The following HTR4 variants were observed in gnomAD, a reference collection of about 807,000 sequenced individuals.
The protein encoded by HTR4 is 5-hydroxytryptamine (serotonin) receptor 4, G protein-coupled.
A neutral mutation model predicts 36.8 loss-of-function variants in HTR4; 16 were observed. The observed-to-expected ratio is 0.43, with a 90% CI of 0.29 to 0.66. The LOEUF is 0.66. Ranked by LOEUF, HTR4 falls within the 30% of genes least tolerant of loss-of-function variation. The probability of loss-of-function intolerance (pLI) is 0.13; values close to 1 mark genes in which losing one functional copy is unlikely to be tolerated. For missense variants in HTR4, 438 were observed against 490.9 expected (o/e 0.89, Z 1.02); for synonymous variants, 189 against 185.1 (o/e 1.02, Z -0.17).
chr5:148,476,086 A>G (rs1755685596), downstream of HTR4, among the ~76,000 whole-genome samples: 1 of 152,242 alleles, frequency 6.6e-6, no homozygotes, highest in Non-Finnish European at 1.5e-5. Context: ...CAAATTAGAA[A>G]GGATGCTGCT....
intron 5 of HTR4, among the ~76,000 whole-genome samples, chr5:148,457,785 GACATATCATTAAAATATCATATATTTT>G (rs1267809093): frequency 7.4e-6 from 1 of 134,624 alleles, no homozygotes; most frequent in Non-Finnish European, 1.6e-5. Flanking sequence ...AATATATTTT[GACATATCATTAAAATATCATATATTTT>G]GATATATCAT....
intron 6 of HTR4, among the ~76,000 whole-genome samples, chr5:148,501,470 C>T (rs551369054): frequency 6.6e-6 from 1 of 152,238 alleles, no homozygotes; most frequent in Non-Finnish European, 1.5e-5. Flanking sequence ...TAATGATCTA[C>T]TTGTGGGATT....
chr5:148,499,524 T>C (rs909832971), intron 6 of HTR4, among the ~76,000 whole-genome samples: 2 of 152,216 alleles, frequency 1.3e-5, no homozygotes, highest in African/African-American at 4.8e-5. Context: ...AGCTGATTGG[T>C]TTCTTTTTAA....
intron 2 of HTR4, among the ~76,000 whole-genome samples, chr5:148,608,607 A>T (rs1381815578): frequency 2.0e-5 from 3 of 152,252 alleles, no homozygotes; most frequent in African/African-American, 7.2e-5. Context: ...TCTGGATTTT[A>T]ATCAATTGAA....
chr5:148,481,497 T>C, downstream of HTR4: 1 of 1,390,786 alleles, frequency 7.2e-7, no homozygotes, highest in Non-Finnish European at 9.7e-7. Context: ...AACATGACTT[T>C]CTCCCCAACA....
chr5:148,521,357 C>G (rs1049340769), intron 5 of HTR4, among the ~76,000 whole-genome samples: 4 of 152,142 alleles, frequency 2.6e-5, no homozygotes, highest in Non-Finnish European at 4.4e-5. Context: ...ACATTTGAAT[C>G]AGTAGACTGC....
Position 148,510,002 on chromosome 5 carries a change from T to C in HTR4, c.530A>G (p.Gln177Arg). ...GACACAGTACGTAGAGTTAGAGTTC[T>C]GGTTGAACTTCCTCTTTTCTATCTG... ...IDLIEKRKFN[Q>R]NSNSTYCVFM... The change falls in exon 6 of 7, where the codon CAG becomes CGG. Residue 177 changes from glutamine to arginine, a missense_variant. Transcript: ENST00000377888. 6.2e-7 allele frequency: 1 copy of C among 1,611,944 alleles called. No individual in the cohort carries two copies.
At chr5:148,567,931 G>A (rs1023415606) in intron 2 of HTR4, among the ~76,000 whole-genome samples, 1 of 152,196 alleles carries the variant, frequency 6.6e-6, no homozygotes, top group African/African-American at 2.4e-5. Flanking sequence ...GAAAGCAGAG[G>A]CTTTGTCAGT....
Position 148,488,461 on chromosome 5 carries a change from T to C in HTR4, c.1077-5168A>G, listed in dbSNP as rs570469923. Among the ~76,000 whole-genome samples, 15 of 152,340 alleles carry C rather than the reference T, an allele frequency of 9.8e-5. 1 individual carries two copies. The highest frequency in any genetic ancestry group is 3.6e-4 in the African/African-American group (15 of 41,592). Reference sequence around the variant, plus strand: ...ACTTTCATTGCATTTGTATTAAAAATCATCTTCTCTATATAGTTTTGCATT... The same window carrying C: ...ACTTTCATTGCATTTGTATTAAAAACCATCTTCTCTATATAGTTTTGCATT... On this transcript the variant is annotated intron_variant, in intron 6 of 6. Transcript: ENST00000377888.
intron 5 of HTR4, among the ~76,000 whole-genome samples, chr5:148,454,989 G>A (rs974950455): frequency 6.6e-6 from 1 of 152,240 alleles, no homozygotes; most frequent in African/African-American, 2.4e-5. Context: ...TATCCCTGAA[G>A]TGGATGTTTG....
chr5:148,490,844 G>T, intron 6 of HTR4: 1 of 540,118 alleles, frequency 1.9e-6, no homozygotes, highest in African/African-American at 1.9e-5. Flanking sequence ...TCCTCTAACA[G>T]CCCTTTAAAT....
chr5:148,529,250 G>C (rs1581430060), intron 4 of HTR4, among the ~76,000 whole-genome samples: 1 of 152,200 alleles, frequency 6.6e-6, no homozygotes, highest in Admixed American at 6.5e-5. Context: ...AGGATGCTAA[G>C]AATCATGAAA....
intron 5 of HTR4, among the ~76,000 whole-genome samples, chr5:148,467,770 A>G (rs1016461196): frequency 6.6e-5 from 10 of 152,210 alleles, no homozygotes; most frequent in African/African-American, 1.2e-4. Context: ...GGCTCGAATG[A>G]CCATGTAAAA....
At chr5:148,639,617 G>GTATATT (rs1753662291) in intron 1 of HTR4, among the ~76,000 whole-genome samples, 1 of 111,866 alleles carries the variant, frequency 8.9e-6, no homozygotes, top group South Asian at 3.7e-4. Flanking sequence ...TTTCTTCCCA[G>GTATATT]TATATATATA....
At chr5:148,573,146 G>A (rs1760745869) in intron 2 of HTR4, among the ~76,000 whole-genome samples, 1 of 151,946 alleles carries the variant, frequency 6.6e-6, no homozygotes, top group Non-Finnish European at 1.5e-5. Flanking sequence ...GGAAGATACT[G>A]GAAGGTAGAG....
At chr5:148,570,556 C>T (rs897360845) in intron 2 of HTR4, among the ~76,000 whole-genome samples, 8 of 152,062 alleles carry the variant, frequency 5.3e-5, no homozygotes, top group East Asian at 3.9e-4. Flanking sequence ...AAAGTGCAGC[C>T]GTGAGAGCTA....
downstream of HTR4, among the ~76,000 whole-genome samples, chr5:148,478,701 C>G (rs1247541130): frequency 6.6e-6 from 1 of 151,960 alleles, no homozygotes; most frequent in African/African-American, 2.4e-5. Flanking sequence ...TATTCCCCGT[C>G]CTGCTTGAAT....
rs1433994058 is a variant in HTR4, at chr5:148,615,258, T to C, written c.26+21731A>G. Among the ~76,000 whole-genome samples, 4 of 152,028 alleles carry C rather than the reference T, an allele frequency of 2.6e-5. No homozygotes were observed. In the South Asian group the frequency reaches 6.2e-4, roughly 24 times the overall value. ...ATGTTTATTGCAGCATTATTCACAA[T>C]AGCAAAGACTTGGAACCAACCCAAA... is the stretch of plus-strand genomic sequence containing the variant. On this transcript the variant is annotated intron_variant, in intron 2 of 6. Transcript: ENST00000377888.
At chr5:148,613,922 C>G (rs989392809) in intron 2 of HTR4, among the ~76,000 whole-genome samples, 9 of 152,090 alleles carry the variant, frequency 5.9e-5, no homozygotes, top group Admixed American at 2.6e-4. Context: ...GAGTGAACTC[C>G]CATTCACAAT....
Sources: allele counts gnomAD v4.1 joint callset (sites outside exome capture counted in the v4.1 genomes callset), GRCh38; gene constraint gnomAD v4.1.1; transcripts MANE v1.5; gene names NCBI Gene and HGNC (gene_info 2026-07-23, HGNC 2026-07-21).